The following APBB2 variants were observed in gnomAD, a reference collection of about 807,000 sequenced individuals.
The protein encoded by APBB2 is Fe65-like 1.
APBB2 carries 38 observed loss-of-function variants against 82.5 expected under a neutral mutation model. The ratio of observed to expected loss-of-function variants is 0.46; its 90% CI spans 0.36 to 0.60. The LOEUF is 0.60. APBB2 is among the 20% of genes least tolerant of loss of function. APBB2 has a pLI of 0.00. For missense variants in APBB2, 772 were observed against 972.3 expected, an observed-to-expected ratio of 0.79 and a Z score of 2.74; for synonymous variants, 341 against 368.2, an observed-to-expected ratio of 0.93 and a Z score of 0.85.
intron 6 of APBB2, among the ~76,000 whole-genome samples, chr4:40,955,097 C>G (rs1333989846): frequency 1.3e-5 from 2 of 152,166 alleles, no homozygotes; most frequent in Non-Finnish European, 2.9e-5. Flanking sequence ...TATTTAGAAG[C>G]TGGGAATACA....
chr4:41,133,707 CAG>C (rs1560838740), intron 2 of APBB2, among the ~76,000 whole-genome samples: 3 of 152,126 alleles, frequency 2.0e-5, no homozygotes, highest in Admixed American at 2.0e-4. Flanking sequence ...ACAGATTGAC[CAG>C]AGTCTCAAAC....
At position 41,027,404 on chromosome 4, in the gene APBB2, T is replaced by TATAA. The variant is rs1426043208; in HGVS notation, c.19+5831_19+5832insTTAT. ...ATATATATATATATATATATATATA[T>TATAA]AACATTTTCAAGAACTCCCAGACTG... is the stretch of plus-strand genomic sequence containing the variant. On this transcript the variant is annotated intron_variant, in intron 5 of 17. Coordinates refer to ENST00000508593, the MANE Select transcript of APBB2 (RefSeq NM_004307.2). Among the ~76,000 whole-genome samples, 543 of 130,506 alleles carry TATAA rather than the reference T, an allele frequency of 4.2e-3. 4 individuals are homozygous for TATAA. Among genetic ancestry groups the TATAA allele is most frequent in the African/African-American group, 5.1e-3 (179 of 34,758 alleles). The allele number at this position is 130,506 out of a possible 152,430, so 85.6% of individuals were successfully genotyped here.
At chr4:41,092,936 G>A (rs1158002967) in intron 3 of APBB2, among the ~76,000 whole-genome samples, 1 of 152,094 alleles carries the variant, frequency 6.6e-6, no homozygotes, top group African/African-American at 2.4e-5. Flanking sequence ...AGAGGCCAAT[G>A]GGGATAAAGA....
intron 12 of APBB2, among the ~76,000 whole-genome samples, chr4:40,849,211 T>C (rs770566372): frequency 1.9e-4 from 29 of 152,214 alleles, no homozygotes; most frequent in Non-Finnish European, 3.5e-4. Flanking sequence ...CCTGTTTTCA[T>C]GTCAGCTGAA....
intron 6 of APBB2, among the ~76,000 whole-genome samples, chr4:40,961,387 C>T (rs983420829): frequency 1.3e-5 from 2 of 149,782 alleles, no homozygotes; most frequent in South Asian, 2.1e-4. Flanking sequence ...AGTAAACTAT[C>T]GCAAGAACAA....
chr4:40,883,404 C>T (rs988534243), intron 12 of APBB2, among the ~76,000 whole-genome samples: 5 of 151,936 alleles, frequency 3.3e-5, no homozygotes, highest in South Asian at 2.1e-4. Context: ...CTGACCAACA[C>T]GGCGAAACCC....
chr4:40,993,440 G>A (rs1802735488), intron 6 of APBB2, among the ~76,000 whole-genome samples: 2 of 146,270 alleles, frequency 1.4e-5, no homozygotes, highest in South Asian at 2.1e-4. Context: ...CTGAAGTGCA[G>A]TGGTGTGATC....
At position 40,946,232 on chromosome 4, in the gene APBB2, CAAAAAAA is replaced by C. The variant is rs55995119; in HGVS notation, c.836-1166_836-1160del. On this transcript the variant is annotated intron_variant, in intron 6 of 17. Coordinates refer to ENST00000508593, the MANE Select transcript of APBB2 (RefSeq NM_004307.2). ...GGGCGACAGAGTGAGACTCTATCTC[CAAAAAAA>C]AAAAAAAAAAAAAAACATTCCCAAG... Among the ~76,000 whole-genome samples, 73 of 78,700 alleles carry C rather than the reference CAAAAAAA, an allele frequency of 9.3e-4. 2 individuals are homozygous for C. Among genetic ancestry groups the C allele is most frequent in the Admixed American group, 2.2e-3 (15 of 6,688 alleles). 51.6% of individuals were successfully genotyped at this position (78,700 alleles called of 152,430 possible). A position where few individuals can be genotyped will look rare whatever the true frequency, so the allele number is the denominator to read the frequency against.
At chr4:41,106,811 C>T (rs956412129) in intron 2 of APBB2, among the ~76,000 whole-genome samples, 1 of 152,010 alleles carries the variant, frequency 6.6e-6, no homozygotes, top group Admixed American at 6.6e-5. Flanking sequence ...ATCCCAAGTA[C>T]CTAGATCTTG....
At chr4:40,879,438 C>A (rs1228583542) in intron 12 of APBB2, among the ~76,000 whole-genome samples, 1 of 152,170 alleles carries the variant, frequency 6.6e-6, no homozygotes, top group South Asian at 2.1e-4. Flanking sequence ...AACACCAATT[C>A]TGACTTCATA....
chr4:41,125,258 A>G (rs1050846940), intron 2 of APBB2, among the ~76,000 whole-genome samples: 5 of 152,248 alleles, frequency 3.3e-5, no homozygotes, highest in Non-Finnish European at 5.9e-5. Context: ...TTCCTCTTAC[A>G]TAACAGCAAT....
chr4:41,014,405 A>G lies in APBB2; in HGVS notation c.20-7T>C, dbSNP rs773788703. 280 of 1,600,570 alleles carry G rather than the reference A, an allele frequency of 1.7e-4. No individual in the cohort carries two copies. Among genetic ancestry groups the G allele is most frequent in the Non-Finnish European group, 2.2e-4 (257 of 1,170,976 alleles). ...GTGTCAACACCTGAGTCAGCTGGGGAAAAAAAAAGTCATTAGACACCTGCC... is the reference window on the plus strand; with the variant it reads ...GTGTCAACACCTGAGTCAGCTGGGGGAAAAAAAAGTCATTAGACACCTGCC... On this transcript the variant is annotated splice_region_variant and splice_polypyrimidine_tract_variant and intron_variant, in intron 5 of 17. Transcript: ENST00000508593.
chr4:41,155,681 T>G (rs542182901), intron 1 of APBB2, among the ~76,000 whole-genome samples: 1 of 152,354 alleles, frequency 6.6e-6, no homozygotes, highest in East Asian at 1.9e-4. Context: ...AAAGCAGCTT[T>G]CATGGAATAA....
intron 6 of APBB2, among the ~76,000 whole-genome samples, chr4:41,006,967 G>A (rs1175233538): frequency 6.6e-6 from 1 of 152,176 alleles, no homozygotes; most frequent in Non-Finnish European, 1.5e-5. Context: ...TTAGGTTTGT[G>A]ACTCTCGCTC....
intron 1 of APBB2, among the ~76,000 whole-genome samples, chr4:41,202,849 T>C (rs1777025608): frequency 6.6e-6 from 1 of 152,242 alleles, no homozygotes; most frequent in African/African-American, 2.4e-5. Context: ...GTATTGTTAA[T>C]AACTGGGGCT....
chr4:40,930,175 G>T (rs763129037), intron 10 of APBB2, among the ~76,000 whole-genome samples: 1 of 152,248 alleles, frequency 6.6e-6, no homozygotes, highest in Middle Eastern at 3.4e-3. Flanking sequence ...AGTTTTGACC[G>T]ATGTACCATG....
intron 1 of APBB2, among the ~76,000 whole-genome samples, chr4:41,168,374 T>C (rs1338749744): frequency 6.6e-6 from 1 of 151,954 alleles, no homozygotes; most frequent in Non-Finnish European, 1.5e-5. Context: ...TAATTATTTA[T>C]TTATTTTTTT....
At chr4:41,106,916 G>A (rs1176584658) in intron 2 of APBB2, among the ~76,000 whole-genome samples, 4 of 152,126 alleles carry the variant, frequency 2.6e-5, no homozygotes, top group Admixed American at 1.3e-4. Context: ...CAAAAAGCAA[G>A]GGAGTGCTCA....
At chr4:40,918,632 A>G (rs933070586) in intron 10 of APBB2, among the ~76,000 whole-genome samples, 2 of 152,118 alleles carry the variant, frequency 1.3e-5, no homozygotes, top group Non-Finnish European at 1.5e-5. Flanking sequence ...CATGCAAAGG[A>G]GCTATGTTTT....
Sources: allele counts gnomAD v4.1 joint callset (sites outside exome capture counted in the v4.1 genomes callset), GRCh38; gene constraint gnomAD v4.1.1; transcripts MANE v1.5; gene names NCBI Gene and HGNC (gene_info 2026-07-23, HGNC 2026-07-21).